The following SND1 variants were observed in gnomAD, a reference collection of about 807,000 sequenced individuals.
The protein encoded by SND1 is staphylococcal nuclease domain-containing protein 1.
Under a neutral mutation model 121.7 loss-of-function variants are expected in SND1, and 38 were observed. The ratio of observed to expected loss-of-function variants is 0.31; its 90% CI spans 0.24 to 0.41. The LOEUF is 0.41. Among genes scored for constraint, SND1 ranks in the 10% least tolerant of loss-of-function variants. The probability of loss-of-function intolerance (pLI) is 1.00; values close to 1 mark genes in which losing one functional copy is unlikely to be tolerated. For missense variants in SND1, 868 were observed against 1,184.6 expected (o/e 0.73, Z 3.92); for synonymous variants, 401 against 447.4 (o/e 0.90, Z 1.31).
intron 11 of SND1, among the ~76,000 whole-genome samples, chr7:127,827,193 G>A (rs1018430164): frequency 1.6e-4 from 24 of 152,272 alleles, no homozygotes; most frequent in African/African-American, 5.5e-4. Flanking sequence ...AGTGCTCTAG[G>A]TGATAACTGT....
chr7:128,088,886 T>A (rs1482363564), intron 21 of SND1, among the ~76,000 whole-genome samples: 1 of 151,592 alleles, frequency 6.6e-6, no homozygotes. Context: ...TGGGAAGAAG[T>A]CACTTTTTCT....
At chr7:127,716,093 A>G (rs1207355332) in intron 9 of SND1, among the ~76,000 whole-genome samples, 1 of 152,174 alleles carries the variant, frequency 6.6e-6, no homozygotes, top group Non-Finnish European at 1.5e-5. Flanking sequence ...TGCCAGTACC[A>G]TGTGGTATTG....
At chr7:127,711,248 T>C (rs1796292102) in intron 9 of SND1, among the ~76,000 whole-genome samples, 1 of 152,212 alleles carries the variant, frequency 6.6e-6, no homozygotes, top group East Asian at 1.9e-4. Context: ...TCTTTATAAT[T>C]TGCAACTTTG....
In SND1 at chr7:127,686,755, C is replaced by A. The variant is rs374576579; in HGVS notation, c.221C>A (p.Pro74His). ...AATQPDAKDT[P>H]DEPWAFPARE... is the part of the protein sequence containing the mutation. ...ACACAACCTGATGCAAAGGATACCC[C>A]TGATGAGGTAGGTGTTTCCTGAGGC... Residue 74 changes from proline to histidine, a missense_variant, in exon 2 of 24, where the codon CCT (proline) becomes CAT (histidine). Physicochemically the swap from Pro to His is moderately conservative, Grantham distance 77. This residue lies in a region of SND1 where 125 missense variants were observed against 113.3 expected (regional missense o/e 1.10). Transcript: ENST00000354725. The A allele has an allele frequency of 2.5e-6, 4 of 1,613,496 alleles. No individual in the cohort carries two copies. In the African/African-American group the frequency reaches 5.3e-5, roughly 22 times the overall value.
chr7:127,891,279 G>T (rs1800004930), intron 13 of SND1, among the ~76,000 whole-genome samples: 6 of 152,074 alleles, frequency 3.9e-5, no homozygotes, highest in Non-Finnish European at 8.8e-5. Context: ...TCTGTGTCCA[G>T]GCGGGAATGC....
At chr7:127,990,883 C>A in intron 15 of SND1, 64 bp from the exon 16 acceptor site, 1 of 1,160,734 alleles carries the variant, frequency 8.6e-7, no homozygotes, top group Admixed American at 2.0e-5. Context: ...GGGGACCGTC[C>A]TTATTGGACA....
chr7:127,907,793 G>A (rs1325416420), intron 14 of SND1, among the ~76,000 whole-genome samples: 1 of 152,164 alleles, frequency 6.6e-6, no homozygotes, highest in African/African-American at 2.4e-5. Flanking sequence ...CTCCATTTTA[G>A]GGGTTGAGTT....
chr7:128,056,793 A>G (rs1689785846), intron 16 of SND1, among the ~76,000 whole-genome samples: 1 of 152,176 alleles, frequency 6.6e-6, no homozygotes, highest in Non-Finnish European at 1.5e-5. Flanking sequence ...TTTCCTACAT[A>G]TGCATGCATA....
chr7:127,947,013 G>A (rs1046892760), intron 15 of SND1, among the ~76,000 whole-genome samples: 1 of 152,074 alleles, frequency 6.6e-6, no homozygotes, highest in African/African-American at 2.4e-5. Flanking sequence ...GAAGTTCAAG[G>A]GGTCACCATT....
At chr7:127,666,084 T>A (rs945487402) in intron 1 of SND1, among the ~76,000 whole-genome samples, 1 of 152,196 alleles carries the variant, frequency 6.6e-6, no homozygotes, top group Non-Finnish European at 1.5e-5. Context: ...AAAGCTGAGT[T>A]ATCTTGTTAA....
At chr7:127,985,872 G>A (rs764023601) in intron 15 of SND1, among the ~76,000 whole-genome samples, 1 of 152,224 alleles carries the variant, frequency 6.6e-6, no homozygotes, top group Non-Finnish European at 1.5e-5. Context: ...GTCTGATGCA[G>A]TAGTGAGAAC....
At chr7:127,920,586 A>T (rs1800681635) in intron 14 of SND1, among the ~76,000 whole-genome samples, 1 of 152,160 alleles carries the variant, frequency 6.6e-6, no homozygotes, top group Non-Finnish European at 1.5e-5. Flanking sequence ...AGGGAGGCAG[A>T]TTTATTCATG....
intron 14 of SND1, among the ~76,000 whole-genome samples, chr7:127,912,252 A>T (rs752293497): frequency 1.3e-5 from 2 of 152,202 alleles, no homozygotes; most frequent in African/African-American, 2.4e-5. Context: ...TTTGATTTAC[A>T]TGGGAATTTT....
intron 20 of SND1, chr7:128,086,406 T>C: frequency 4.9e-6 from 1 of 204,022 alleles, no homozygotes; most frequent in Non-Finnish European, 1.0e-5. Context: ...TGAGGATCTG[T>C]TAGTAGAGAG....
chr7:128,067,116 C>T (rs1034074109), intron 16 of SND1, among the ~76,000 whole-genome samples: 1 of 152,140 alleles, frequency 6.6e-6, no homozygotes, highest in Non-Finnish European at 1.5e-5. Flanking sequence ...AGCTTTGCTG[C>T]CCCCATTCTC....
At position 127,904,751 on chromosome 7, in the gene SND1, A is replaced by G. The variant is rs760699159; in HGVS notation, c.1459A>G (p.Ile487Val). The change falls in exon 14 of 24, where the codon ATT becomes GTT. Residue 487 changes from isoleucine (I) to valine (V), a missense_variant. Ile to Val is a conservative substitution (Grantham distance 29). Around this residue, in one of 2 missense-constraint regions of SND1, gnomAD observed 743 missense variants for 1,071.3 expected, o/e 0.69. Coordinates refer to ENST00000354725, the MANE Select transcript of SND1 (RefSeq NM_014390.4). ...TTTTCTCTTCTTCCTTAACAGAGCT[A>G]TTAAGAATGGCAAAGGATTGCATAG... Reference protein sequence around the residue: ...DELLAAEARAIKNGKGLHSKK... With the variant: ...DELLAAEARAVKNGKGLHSKK... 7.5e-6 allele frequency: 12 copies of G among 1,604,224 alleles called. No homozygotes were observed. The highest frequency in any genetic ancestry group is 8.5e-7 in the Non-Finnish European group (1 of 1,171,084).
At chr7:128,022,769 G>A (rs1449822489) in intron 16 of SND1, among the ~76,000 whole-genome samples, 1 of 143,446 alleles carries the variant, frequency 7.0e-6, no homozygotes, top group East Asian at 2.1e-4. Context: ...CCCTGAGTGA[G>A]CCTGTCAGGG....
chr7:127,676,060 C>A (rs1018014526), intron 1 of SND1, among the ~76,000 whole-genome samples: 1 of 152,126 alleles, frequency 6.6e-6, no homozygotes, highest in Non-Finnish European at 1.5e-5. Flanking sequence ...TGATTGTGTT[C>A]TTTTATGTAA....
At chr7:127,993,850 G>A (rs1032767528) in intron 16 of SND1, among the ~76,000 whole-genome samples, 4 of 152,214 alleles carry the variant, frequency 2.6e-5, no homozygotes, top group African/African-American at 9.6e-5. Context: ...GCCCCTGTGT[G>A]ATCCGACAGA....
Sources: allele counts gnomAD v4.1 joint callset (sites outside exome capture counted in the v4.1 genomes callset), GRCh38; gene constraint gnomAD v4.1.1; regional missense constraint gnomAD v4.1.1; transcripts MANE v1.5; gene names NCBI Gene and HGNC (gene_info 2026-07-23, HGNC 2026-07-21).